Variants in THSD7B observed in about 807,000 individuals in gnomAD.
THSD7B encodes thrombospondin type 1 domain containing 7B, also known as thrombospondin type-1 domain-containing protein 7B.
THSD7B carries 138 observed loss-of-function variants against 213.6 expected under a neutral mutation model. The observed-to-expected ratio is 0.65, with a 90% CI of 0.56 to 0.74. THSD7B has a LOEUF of 0.74. Among genes scored for constraint, THSD7B ranks in the 30% least tolerant of loss-of-function variants. The pLI is 0.00. For synonymous variants in THSD7B, 742 were observed against 687.0 expected, an observed-to-expected ratio of 1.08 and a Z score of -1.25; for missense variants, 1,931 against 1,991.5, an observed-to-expected ratio of 0.97 and a Z score of 0.58.
At chr2:137,075,026 C>T (rs895376345) in intron 3 of THSD7B, among the ~76,000 whole-genome samples, 1 of 152,118 alleles carries the variant, frequency 6.6e-6, no homozygotes, top group African/African-American at 2.4e-5. Context: ...ACATTTTTTC[C>T]TTCATTTCAA....
At chr2:136,807,126 G>A (rs1682296382) in intron 1 of THSD7B, among the ~76,000 whole-genome samples, 1 of 152,124 alleles carries the variant, frequency 6.6e-6, no homozygotes, top group Admixed American at 6.5e-5. Flanking sequence ...TCATTGCACA[G>A]TTACTTTTTT....
At chr2:136,862,023 G>T (rs1683264896) in intron 1 of THSD7B, among the ~76,000 whole-genome samples, 1 of 152,194 alleles carries the variant, frequency 6.6e-6, no homozygotes, top group Admixed American at 6.5e-5. Context: ...AGAATTGCTG[G>T]AATATCCTCA....
intron 1 of THSD7B, among the ~76,000 whole-genome samples, chr2:136,818,065 A>G (rs1393739688): frequency 2.0e-5 from 3 of 147,134 alleles, no homozygotes; most frequent in Non-Finnish European, 4.6e-5. Context: ...CCAAAGGACT[A>G]TAAATCATGC....
intron 5 of THSD7B, among the ~76,000 whole-genome samples, chr2:137,144,554 A>G (rs1330387433): frequency 6.6e-6 from 1 of 152,038 alleles, no homozygotes; most frequent in East Asian, 1.9e-4. Flanking sequence ...TTAAATATCT[A>G]CATAGTCTAC....
chr2:137,281,126 G>GA (rs1171052817), intron 12 of THSD7B, among the ~76,000 whole-genome samples: 4 of 151,988 alleles, frequency 2.6e-5, no homozygotes, highest in Admixed American at 2.0e-4. Flanking sequence ...TATTTTCCCT[G>GA]AGAAATGTTT....
intron 5 of THSD7B, among the ~76,000 whole-genome samples, chr2:137,143,017 A>G (rs1053031196): frequency 3.9e-5 from 6 of 152,158 alleles, no homozygotes; most frequent in Non-Finnish European, 7.4e-5. Flanking sequence ...TAAAAAGTCT[A>G]GCATCCTACC....
At chr2:137,230,082 G>T (rs1239058551) in intron 7 of THSD7B, among the ~76,000 whole-genome samples, 1 of 152,132 alleles carries the variant, frequency 6.6e-6, no homozygotes, top group Non-Finnish European at 1.5e-5. Flanking sequence ...AGGAGACTGT[G>T]AATGAGGGGA....
chr2:137,454,424 G>GTCTGTCTA (rs1178884446), intron 15 of THSD7B, among the ~76,000 whole-genome samples: 184 of 140,242 alleles, frequency 1.3e-3, no homozygotes, highest in Middle Eastern at 7.4e-3. Context: ...CTGTCTGTCT[G>GTCTGTCTA]TCTATCTATC....
In THSD7B at chr2:137,560,064, G is replaced by C. The variant is rs532858227; in HGVS notation, c.3139-3157G>C. 3.4e-3 allele frequency among the ~76,000 whole-genome samples: 474 copies of C among 139,002 alleles called. 1 individual carries two copies. Among genetic ancestry groups the C allele is most frequent in the Non-Finnish European group, 5.5e-3 (367 of 66,602 alleles). 91.2% of individuals were successfully genotyped at this position (139,002 alleles called of 152,430 possible). ...ATCATTAAAAAGTCAGGAAACAACAGGTGCTGGAGAGGATGTGGAGAAATA... is the reference window on the plus strand; with the variant it reads ...ATCATTAAAAAGTCAGGAAACAACACGTGCTGGAGAGGATGTGGAGAAATA... On this transcript the variant is annotated intron_variant, in intron 15 of 27. Transcript: ENST00000409968.
At chr2:137,209,349 G>A (rs13405560) in intron 7 of THSD7B, among the ~76,000 whole-genome samples, 90,646 of 151,762 alleles carry the variant, frequency 0.6, 27,483 homozygotes, top group South Asian at 0.71. Flanking sequence ...TTAGCACAAG[G>A]TGTCTCTCCC....
intron 15 of THSD7B, among the ~76,000 whole-genome samples, chr2:137,555,693 G>A (rs1680947156): frequency 6.6e-6 from 1 of 152,140 alleles, no homozygotes; most frequent in African/African-American, 2.4e-5. Context: ...GCTGGACAGA[G>A]AATGACCTTA....
intron 12 of THSD7B, among the ~76,000 whole-genome samples, chr2:137,363,127 T>C (rs529094926): frequency 6.6e-6 from 1 of 152,292 alleles, no homozygotes; most frequent in African/African-American, 2.4e-5. Context: ...AACCTGCTCC[T>C]GAATGACTAC....
At chr2:137,348,189 A>G (rs907106227) in intron 12 of THSD7B, among the ~76,000 whole-genome samples, 10 of 151,726 alleles carry the variant, frequency 6.6e-5, no homozygotes, top group Non-Finnish European at 1.5e-4. Flanking sequence ...TGATGTAGAC[A>G]CTCAACAGAA....
intron 21 of THSD7B, among the ~76,000 whole-genome samples, chr2:137,646,523 G>A (rs1377461855): frequency 2.0e-5 from 3 of 148,234 alleles, no homozygotes; most frequent in Non-Finnish European, 3.0e-5. Flanking sequence ...GTGGTCGCAC[G>A]TGCCTGTAAT....
chr2:137,388,589 C>CTCTTATCAA (rs112153331), intron 12 of THSD7B, among the ~76,000 whole-genome samples: 4,465 of 152,038 alleles, frequency 0.029, 232 homozygotes, highest in African/African-American at 0.1. Context: ...TTGCCCTAGT[C>CTCTTATCAA]TCTTATCAAA....
At chr2:137,627,153 T>G (rs1682646886) in intron 20 of THSD7B, among the ~76,000 whole-genome samples, 1 of 152,164 alleles carries the variant, frequency 6.6e-6, no homozygotes, top group African/African-American at 2.4e-5. Flanking sequence ...AGCCACACAC[T>G]TTTTAACAAC....
intron 3 of THSD7B, among the ~76,000 whole-genome samples, chr2:137,092,045 A>G (rs1379257927): frequency 6.6e-6 from 1 of 152,176 alleles, no homozygotes; most frequent in Admixed American, 6.5e-5. Context: ...AAATTGTCAC[A>G]TTGAATTGAA....
intron 15 of THSD7B, among the ~76,000 whole-genome samples, chr2:137,541,993 G>A (rs760602448): frequency 1.3e-5 from 2 of 151,390 alleles, no homozygotes; most frequent in Non-Finnish European, 1.5e-5. Context: ...TTCACATCAC[G>A]GGAGTCCCGG....
chr2:137,353,689 G>C (rs1232708896), intron 12 of THSD7B, among the ~76,000 whole-genome samples: 2 of 151,962 alleles, frequency 1.3e-5, no homozygotes, highest in South Asian at 2.1e-4. Context: ...CAATTTTCTA[G>C]ACAAGATCTT....
Sources: gnomAD v4.1 joint callset for allele counts (sites outside exome capture counted in the v4.1 genomes callset) on GRCh38, gnomAD v4.1.1 for gene constraint, MANE v1.5 for transcripts, NCBI Gene and HGNC (gene_info 2026-07-23, HGNC 2026-07-21) for gene names.